The following MECOM variants were observed in gnomAD, a reference collection of about 807,000 sequenced individuals.
MECOM encodes the protein MDS1 and EVI1 complex locus.
In MECOM, 13 loss-of-function variants were observed where a neutral mutation model predicts 116.3. The observed-to-expected ratio is 0.11, with a 90% CI of 0.07 to 0.18. The LOEUF (loss-of-function observed/expected upper bound fraction) is 0.18. Among genes scored for constraint, MECOM ranks in the 10% least tolerant of loss-of-function variants. The probability of loss-of-function intolerance (pLI) is 1.00; values close to 1 mark genes in which losing one functional copy is unlikely to be tolerated. For missense variants in MECOM, 1,299 were observed against 1,509.0 expected (o/e 0.86, Z 2.31); for synonymous variants, 528 against 535.2 (o/e 0.99, Z 0.19).
chr3:169,608,530 A>C (rs1259295544), intron 1 of MECOM, among the ~76,000 whole-genome samples: 3 of 152,146 alleles, frequency 2.0e-5, no homozygotes, highest in African/African-American at 7.2e-5. Flanking sequence ...TCTTGGTGGC[A>C]GGATTCACAC....
intron 1 of MECOM, among the ~76,000 whole-genome samples, chr3:169,422,357 C>A (rs1012115753): frequency 1.3e-5 from 2 of 151,964 alleles, no homozygotes; most frequent in African/African-American, 4.8e-5. Context: ...AATCAAAGTC[C>A]AAGCCAAAAA....
At chr3:169,112,685 G>A (rs898372700) in intron 9 of MECOM, 102 bp downstream of exon 9, 12 of 893,466 alleles carry the variant, frequency 1.3e-5, no homozygotes, top group African/African-American at 3.4e-5. Flanking sequence ...AGCGTCATAG[G>A]AAATCCTAAT....
chr3:169,566,423 C>T (rs1195366093), intron 1 of MECOM, among the ~76,000 whole-genome samples: 1 of 152,196 alleles, frequency 6.6e-6, no homozygotes, highest in Non-Finnish European at 1.5e-5. Context: ...CAAGTGCCCT[C>T]TCTGCTCTGC....
intron 2 of MECOM, among the ~76,000 whole-genome samples, chr3:169,321,263 C>T (rs1445690828): frequency 2.0e-5 from 3 of 152,140 alleles, no homozygotes; most frequent in African/African-American, 4.8e-5. Flanking sequence ...AAGAGTGGGC[C>T]GGGTGAGGTG....
rs16854146 is a variant in MECOM, at chr3:169,598,022, G to T, written c.37+65314C>A. ...GTTAGGGAGAGTTGTCCAAGCTTTT[G>T]CCCCTACAGGAAACCATAATAAATA... On this transcript the variant is annotated intron_variant, in intron 1 of 16. Transcript: ENST00000651503. Among the ~76,000 whole-genome samples the T allele has an allele frequency of 4.0e-3, 605 of 152,232 alleles. 19 individuals are homozygous for T. In the East Asian group the frequency reaches 0.048, roughly 12 times the overall value.
intron 2 of MECOM, among the ~76,000 whole-genome samples, chr3:169,307,614 C>T (rs1717957666): frequency 1.3e-5 from 2 of 152,186 alleles, no homozygotes; most frequent in Admixed American, 6.5e-5. Flanking sequence ...TGTTAAGATA[C>T]ATCCTTACTT....
Position 169,100,878 on chromosome 3 carries a change from G to T in MECOM, c.2849+7C>A. On this transcript the variant is annotated splice_region_variant and intron_variant, in intron 12 of 16. Transcript: ENST00000651503. ...ATCAAGATATTTAGCAAATATCATT[G>T]TCAGACCTGTAAGGCTGCTCTCCTG... 1 of 1,519,500 alleles carries T rather than the reference G, an allele frequency of 6.6e-7. No individual in the cohort carries two copies. Among genetic ancestry groups the T allele is most frequent in the Non-Finnish European group, 8.9e-7 (1 of 1,123,348 alleles). The allele number at this position is 1,519,500 out of a possible 1,614,324, so 94.1% of individuals were successfully genotyped here. A position where few individuals can be genotyped will look rare whatever the true frequency, so the allele number is the denominator to read the frequency against.
chr3:169,430,982 A>G (rs1741524310), intron 1 of MECOM, among the ~76,000 whole-genome samples: 1 of 152,178 alleles, frequency 6.6e-6, no homozygotes, highest in South Asian at 2.1e-4. Context: ...CACATTTTCA[A>G]GTGCAAGTTT....
rs759546867 is a variant in MECOM, at chr3:169,084,777, A to C, written c.*132T>G. 4.5e-6 allele frequency: 4 copies of C among 893,630 alleles called. No homozygotes were observed. Among genetic ancestry groups the C allele is most frequent in the Non-Finnish European group, 5.1e-6 (3 of 585,392 alleles). 55.4% of individuals were successfully genotyped at this position (893,630 alleles called of 1,614,324 possible). A position where few individuals can be genotyped will look rare whatever the true frequency, so the allele number is the denominator to read the frequency against. ...TTTCTTTTTTAAATCATTCAGTTTA[A>C]GGTCACTAGACTTTAGATGAGTGAC... On this transcript the variant is annotated 3_prime_UTR_variant, in exon 17 of 17. Transcript: ENST00000651503.
rs551938821 is a variant in MECOM, at chr3:169,564,337, T to C, written c.37+98999A>G. On this transcript the variant is annotated intron_variant, in intron 1 of 16. Transcript: ENST00000651503. ...TCTTAAGCTTAATTCTCCTAGTCTATGCCTGCTTCAAATTAACATAATAAA... is the reference window on the plus strand; with the variant it reads ...TCTTAAGCTTAATTCTCCTAGTCTACGCCTGCTTCAAATTAACATAATAAA... Among the ~76,000 whole-genome samples, 5 of 152,284 alleles carry C rather than the reference T, an allele frequency of 3.3e-5. No homozygotes were observed. The South Asian group carries it at 1.0e-3, about 32-fold the overall frequency.
intron 2 of MECOM, among the ~76,000 whole-genome samples, chr3:169,195,099 T>G (rs1748246596): frequency 6.6e-6 from 1 of 152,112 alleles, no homozygotes; most frequent in Non-Finnish European, 1.5e-5. Context: ...TGCATGAACT[T>G]TTTGTGATCA....
chr3:169,619,639 T>A (rs1205237915), intron 1 of MECOM, among the ~76,000 whole-genome samples: 1 of 152,132 alleles, frequency 6.6e-6, no homozygotes, highest in African/African-American at 2.4e-5. Flanking sequence ...CCTTGTTGAC[T>A]GGGCTTCCTC....
At chr3:169,498,910 C>T (rs1201235589) in intron 1 of MECOM, among the ~76,000 whole-genome samples, 2 of 151,526 alleles carry the variant, frequency 1.3e-5, no homozygotes, top group South Asian at 4.2e-4. Flanking sequence ...TGAAAAAAAC[C>T]AATTGGAAAT....
chr3:169,090,308 T>A (rs770761630), intron 14 of MECOM, 72 bp from the exon 15 acceptor site: 3 of 1,356,602 alleles, frequency 2.2e-6, no homozygotes, highest in Non-Finnish European at 1.0e-6. Context: ...TCCTTTATTA[T>A]GTCTTCCCAA....
At chr3:169,553,921 C>T (rs1057232487) in intron 1 of MECOM, among the ~76,000 whole-genome samples, 1 of 152,054 alleles carries the variant, frequency 6.6e-6, no homozygotes, top group Non-Finnish European at 1.5e-5. Context: ...TCTCCAAATA[C>T]AGTCATATTC....
intron 1 of MECOM, among the ~76,000 whole-genome samples, chr3:169,550,154 A>T (rs191024472): frequency 6.6e-6 from 1 of 152,308 alleles, no homozygotes; most frequent in Admixed American, 6.5e-5. Flanking sequence ...CATAAAAATT[A>T]TTACAGTTAT....
intron 1 of MECOM, among the ~76,000 whole-genome samples, chr3:169,491,048 G>A (rs897286944): frequency 2.6e-5 from 4 of 151,842 alleles, no homozygotes; most frequent in African/African-American, 4.8e-5. Context: ...TTGTGGAGAC[G>A]GGTCTCCTTA....
At chr3:169,517,778 G>A (rs1334600431) in intron 1 of MECOM, among the ~76,000 whole-genome samples, 1 of 152,136 alleles carries the variant, frequency 6.6e-6, no homozygotes, top group Non-Finnish European at 1.5e-5. Flanking sequence ...ATTCAGTCAG[G>A]AACTGTGGTA....
At chr3:169,343,554 A>C (rs1577788222) in intron 2 of MECOM, among the ~76,000 whole-genome samples, 1 of 152,326 alleles carries the variant, frequency 6.6e-6, no homozygotes, top group South Asian at 2.1e-4. Context: ...AAAAAGTCTA[A>C]GAACTGGAGT....
Sources: allele counts gnomAD v4.1 joint callset (sites outside exome capture counted in the v4.1 genomes callset), GRCh38; gene constraint gnomAD v4.1.1; transcripts MANE v1.5; gene names NCBI Gene and HGNC (gene_info 2026-07-23, HGNC 2026-07-21).